STK32B: variants seen among roughly 807,000 people sequenced by gnomAD.
STK32B encodes the protein serine/threonine kinase 32B, also known as serine/threonine-protein kinase 32B.
A neutral mutation model predicts 52.6 loss-of-function variants in STK32B; 43 were observed. The ratio of observed to expected loss-of-function variants is 0.82; its 90% CI spans 0.64 to 1.05. STK32B has a LOEUF of 1.05. STK32B is among the 50% of genes least tolerant of loss of function. The pLI, the probability that STK32B is intolerant of heterozygous loss-of-function variation, is 0.00. For synonymous variants in STK32B, 238 were observed against 204.3 expected, an observed-to-expected ratio of 1.17 and a Z score of -1.41; for missense variants, 621 against 534.6, an observed-to-expected ratio of 1.16 and a Z score of -1.59.
chr4:5,025,901 G>A, the STK32B span, among the ~76,000 whole-genome samples: 27 of 152,310 alleles, frequency 1.8e-4, no homozygotes, highest in East Asian at 7.7e-4. Flanking sequence ...GAGGTGGGGC[G>A]GAGACATTAC....
chr4:5,410,142 C>G (rs1711542336), intron 5 of STK32B, among the ~76,000 whole-genome samples: 1 of 152,108 alleles, frequency 6.6e-6, no homozygotes, highest in African/African-American at 2.4e-5. Context: ...CAATCAGCGC[C>G]CACGGCTCCA....
At chr4:5,319,577 G>A (rs1276759690) in intron 3 of STK32B, among the ~76,000 whole-genome samples, 1 of 152,042 alleles carries the variant, frequency 6.6e-6, no homozygotes, top group Non-Finnish European at 1.5e-5. Context: ...ACGCACCCAG[G>A]CATACAGAGC....
intron 2 of STK32B, among the ~76,000 whole-genome samples, chr4:5,144,112 G>A (rs1560175055): frequency 6.6e-6 from 1 of 152,168 alleles, no homozygotes; most frequent in Non-Finnish European, 1.5e-5. Context: ...CCTTGGGATA[G>A]TTACCACCAC....
At chr4:5,173,732 T>C (rs1719586052) in intron 3 of STK32B, among the ~76,000 whole-genome samples, 1 of 152,204 alleles carries the variant, frequency 6.6e-6, no homozygotes, top group African/African-American at 2.4e-5. Flanking sequence ...AACTATGTGG[T>C]CAATTTTGGA....
At chr4:5,352,367 A>T (rs1361198737) in intron 4 of STK32B, among the ~76,000 whole-genome samples, 1 of 152,120 alleles carries the variant, frequency 6.6e-6, no homozygotes, top group African/African-American at 2.4e-5. Context: ...AAATAGATGC[A>T]GGAAAAGAAT....
chr4:5,269,092 T>G (rs1287083238), intron 3 of STK32B, among the ~76,000 whole-genome samples: 9 of 152,116 alleles, frequency 5.9e-5, no homozygotes, highest in East Asian at 1.9e-4. Flanking sequence ...CAGCTAGAGT[T>G]CATAGATCAG....
At position 5,309,375 on chromosome 4, in the gene STK32B, G is replaced by GA. The variant is rs57119309; in HGVS notation, c.261-21835dup. On this transcript the variant is annotated intron_variant, in intron 3 of 11. Transcript: ENST00000282908. The stretch of plus-strand genomic sequence containing the variant: ...ACCAATGACATTCATCACAGAAATA[G>GA]AAAAAAAAAATCCTGAAATTTTTAT... Among the ~76,000 whole-genome samples the GA allele has an allele frequency of 2.8e-3, 425 of 149,264 alleles. 2 individuals are homozygous for GA. Among genetic ancestry groups the GA allele is most frequent in the African/African-American group, 8.9e-3 (368 of 41,132 alleles).
In STK32B at chr4:5,254,965, A is replaced by AAT. The variant is rs146017036; in HGVS notation, c.261-76244_261-76243dup. On this transcript the variant is annotated intron_variant, in intron 3 of 11. Coordinates refer to ENST00000282908, the MANE Select transcript of STK32B (RefSeq NM_018401.3). ...TTATTACTAGTTGGTATCATTCACT[A>AAT]ATATATATATATGTTTATTGAGCAT... Among the ~76,000 whole-genome samples the AAT allele has an allele frequency of 5.7e-4, 83 of 144,392 alleles. 4 individuals carry two copies. The highest frequency in any genetic ancestry group is 7.8e-4 in the African/African-American group (29 of 37,040). The allele number at this position is 144,392 out of a possible 152,430, so 94.7% of individuals were successfully genotyped here.
At chr4:5,304,213 A>G (rs1729764606) in intron 3 of STK32B, among the ~76,000 whole-genome samples, 2 of 152,008 alleles carry the variant, frequency 1.3e-5, no homozygotes, top group Non-Finnish European at 2.9e-5. Context: ...AGCTCTCTGA[A>G]AAACGATGGT....
At chr4:5,314,539 A>G (rs1730532796) in intron 3 of STK32B, among the ~76,000 whole-genome samples, 1 of 152,100 alleles carries the variant, frequency 6.6e-6, no homozygotes, top group Admixed American at 6.5e-5. Context: ...GCATGGTGAC[A>G]GGCACCTGTA....
At chr4:5,169,543 G>T (rs1271606477) in intron 3 of STK32B, among the ~76,000 whole-genome samples, 1 of 152,070 alleles carries the variant, frequency 6.6e-6, no homozygotes, top group East Asian at 1.9e-4. Context: ...GAGGAACACA[G>T]ATTGTCCCAT....
intron 3 of STK32B, among the ~76,000 whole-genome samples, chr4:5,190,688 G>T (rs1401991048): frequency 6.6e-6 from 1 of 152,298 alleles, no homozygotes; most frequent in East Asian, 1.9e-4. Context: ...ATTCCGGCCG[G>T]TGTGAATAAG....
intron 3 of STK32B, among the ~76,000 whole-genome samples, chr4:5,197,125 CAAAT>C (rs1322700630): frequency 6.6e-6 from 1 of 152,222 alleles, no homozygotes; most frequent in East Asian, 1.9e-4. Context: ...AGGCAGGTGA[CAAAT>C]GAATGAAGAA....
At chr4:5,465,519 G>A (rs145294234) in intron 9 of STK32B, among the ~76,000 whole-genome samples, 7 of 152,244 alleles carry the variant, frequency 4.6e-5, no homozygotes, top group Admixed American at 6.5e-5. Context: ...TTCAAGGCCA[G>A]GAATCCTAGG....
At chr4:5,093,358 C>G (rs778798377) in intron 1 of STK32B, among the ~76,000 whole-genome samples, 2 of 152,134 alleles carry the variant, frequency 1.3e-5, no homozygotes, top group Non-Finnish European at 2.9e-5. Context: ...CTGCATGAAA[C>G]TTAGTATATA....
chr4:5,116,861 C>A (rs1714751659), intron 1 of STK32B, among the ~76,000 whole-genome samples: 1 of 152,090 alleles, frequency 6.6e-6, no homozygotes, highest in African/African-American at 2.4e-5. Flanking sequence ...TGTTTCACTT[C>A]TTTTGTTAAA....
intron 7 of STK32B, among the ~76,000 whole-genome samples, chr4:5,452,961 T>C (rs1179069165): frequency 1.3e-5 from 2 of 152,052 alleles, no homozygotes; most frequent in Non-Finnish European, 2.9e-5. Flanking sequence ...GAACTCAGCA[T>C]CAGTACAAGC....
chr4:5,416,142 C>G (rs746468294), intron 5 of STK32B, among the ~76,000 whole-genome samples: 56 of 152,092 alleles, frequency 3.7e-4, no homozygotes, highest in Non-Finnish European at 7.2e-4. Context: ...CAAAATTTCC[C>G]AAAAAACAAG....
chr4:5,084,497 A>G (rs1202125689), intron 1 of STK32B, among the ~76,000 whole-genome samples: 1 of 152,268 alleles, frequency 6.6e-6, no homozygotes, highest in African/African-American at 2.4e-5. Flanking sequence ...TGTAATGGTG[A>G]TAAAATGATT....
Sources: gnomAD v4.1 joint callset for allele counts (sites outside exome capture counted in the v4.1 genomes callset) on GRCh38, gnomAD v4.1.1 for gene constraint, MANE v1.5 for transcripts, NCBI Gene and HGNC (gene_info 2026-07-23, HGNC 2026-07-21) for gene names.